DMD: variants seen among roughly 807,000 people sequenced by gnomAD.
The protein encoded by DMD is dystrophin.
Under a neutral mutation model 330.1 loss-of-function variants are expected in DMD, and 63 were observed. The ratio of observed to expected loss-of-function variants is 0.19; its 90% CI spans 0.16 to 0.24. DMD has a LOEUF of 0.24. DMD is among the 10% of genes least tolerant of loss of function. The probability of loss-of-function intolerance (pLI) is 1.00; values close to 1 mark genes in which losing one functional copy is unlikely to be tolerated. For synonymous variants in DMD, 1,223 were observed against 959.8 expected, an observed-to-expected ratio of 1.27 and a Z score of -5.07; for missense variants, 3,344 against 2,684.1, an observed-to-expected ratio of 1.25 and a Z score of -5.43.
chrX:33,123,730 T>G (rs768597975), intron 1 of DMD, among the ~76,000 whole-genome samples: 1 of 110,172 alleles, frequency 9.1e-6, no homozygotes, highest in Admixed American at 9.7e-5. Context: ...AATGAGTTTT[T>G]TTTTTTTTTT....
intron 7 of DMD, among the ~76,000 whole-genome samples, chrX:32,735,311 A>T (rs2068301298): frequency 9.0e-6 from 1 of 110,792 alleles, no homozygotes; most frequent in South Asian, 3.9e-4. Flanking sequence ...GGGTAGGAAG[A>T]ATCAATATCG....
chrX:32,836,038 A>ATT (rs201112620), intron 4 of DMD, among the ~76,000 whole-genome samples: 7 of 103,955 alleles, frequency 6.7e-5, no homozygotes, highest in African/African-American at 2.5e-4. Context: ...TCAAAAAAAA[A>ATT]TTTTTTTTTT....
At chrX:33,328,171 G>A (rs1049479092) in intron 1 of DMD, among the ~76,000 whole-genome samples, 3 of 111,363 alleles carry the variant, frequency 2.7e-5, no homozygotes, top group East Asian at 2.8e-4. Flanking sequence ...ATCTGATGCC[G>A]AAAAGAACAT....
intron 44 of DMD, among the ~76,000 whole-genome samples, chrX:32,094,977 C>T (rs1033658420): frequency 2.7e-5 from 3 of 111,196 alleles, no homozygotes; most frequent in African/African-American, 9.8e-5. Context: ...TAATTTGTAC[C>T]TTGCATGAGG....
At chrX:33,303,636 T>C (rs1437591317) in intron 1 of DMD, among the ~76,000 whole-genome samples, 1 of 111,409 alleles carries the variant, frequency 9.0e-6, no homozygotes, top group Non-Finnish European at 1.9e-5. Context: ...TTCCCCATGC[T>C]ATTCTTGTGA....
chrX:32,863,061 C>T (rs923591751), intron 2 of DMD, among the ~76,000 whole-genome samples: 6 of 110,489 alleles, frequency 5.4e-5, no homozygotes, highest in African/African-American at 2.0e-4. Context: ...TCTTTTGATT[C>T]ACATAGATAC....
intron 63 of DMD, among the ~76,000 whole-genome samples, chrX:31,252,197 CTTTTA>C (rs1348517141): frequency 1.8e-5 from 2 of 111,779 alleles, no homozygotes; most frequent in Non-Finnish European, 3.8e-5. Context: ...TTTCTTTTTT[CTTTTA>C]TAAGCTGAAT....
intron 47 of DMD, among the ~76,000 whole-genome samples, chrX:31,927,065 G>A (rs1019166755): frequency 4.4e-4 from 49 of 111,802 alleles, no homozygotes; most frequent in African/African-American, 1.5e-3. Flanking sequence ...CCTAAATCTG[G>A]TACTGATCAT....
chrX:32,320,073 T>C (rs763506311), intron 41 of DMD, among the ~76,000 whole-genome samples: 1 of 111,083 alleles, frequency 9.0e-6, no homozygotes, highest in Non-Finnish European at 1.9e-5. Context: ...AAAATAAGTA[T>C]GGAAAGACCT....
At chrX:31,878,749 T>G (rs2094007140) in intron 47 of DMD, among the ~76,000 whole-genome samples, 1 of 112,050 alleles carries the variant, frequency 8.9e-6, no homozygotes, top group African/African-American at 3.2e-5. Flanking sequence ...ACAAAGGATT[T>G]TAAAAGCATG....
rs766587320 is a variant in DMD, at chrX:31,706,215, A to G, written c.7660+23416T>C. Among the ~76,000 whole-genome samples, 23 of 110,728 alleles carry G rather than the reference A, an allele frequency of 2.1e-4. No homozygotes were observed. The South Asian group carries it at 8.5e-3, about 41-fold the overall frequency. On this transcript the variant is annotated intron_variant, in intron 52 of 78. Transcript: ENST00000357033. Reference sequence around the variant, plus strand: ...ATATGAGCTACCTCATTGTGGAAGCAAAGACTCAGAAGAAGTAGAGAACAA... The same window carrying G: ...ATATGAGCTACCTCATTGTGGAAGCGAAGACTCAGAAGAAGTAGAGAACAA...
At chrX:31,212,085 CCAG>C (rs2044733265) in intron 64 of DMD, among the ~76,000 whole-genome samples, 1 of 107,714 alleles carries the variant, frequency 9.3e-6, no homozygotes, top group Non-Finnish European at 1.9e-5. Flanking sequence ...CAATAAGCAA[CCAG>C]CAGATACAGT....
intron 1 of DMD, among the ~76,000 whole-genome samples, chrX:33,309,840 A>G (rs993600335): frequency 9.0e-6 from 1 of 111,116 alleles, no homozygotes; most frequent in African/African-American, 3.3e-5. Context: ...AAAGTAATGT[A>G]GAAGTACTAT....
chrX:31,775,458 T>C (rs1038809430), intron 50 of DMD, among the ~76,000 whole-genome samples: 4 of 110,947 alleles, frequency 3.6e-5, no homozygotes, highest in African/African-American at 1.3e-4. Context: ...CTGGTGTGAA[T>C]TGATACTAAA....
At chrX:32,468,074 G>C (rs1184309351) in intron 23 of DMD, among the ~76,000 whole-genome samples, 1 of 109,224 alleles carries the variant, frequency 9.2e-6, no homozygotes, top group Non-Finnish European at 1.9e-5. Flanking sequence ...AGGTAATATA[G>C]GAAATAATCA....
intron 2 of DMD, among the ~76,000 whole-genome samples, chrX:32,855,417 A>G (rs1200721137): frequency 8.9e-6 from 1 of 112,111 alleles, no homozygotes; most frequent in East Asian, 2.8e-4. Flanking sequence ...TTCAAATTAT[A>G]CTACAGAGCT....
intron 66 of DMD, among the ~76,000 whole-genome samples, 188 bp downstream of exon 66, chrX:31,206,394 T>G (rs771930238): frequency 1.2e-4 from 13 of 112,498 alleles, no homozygotes; most frequent in Non-Finnish European, 2.1e-4. Flanking sequence ...CATTCTCTAC[T>G]TAAATGCCTG....
At chrX:32,284,714 G>A (rs1477420423) in intron 43 of DMD, among the ~76,000 whole-genome samples, 1 of 112,093 alleles carries the variant, frequency 8.9e-6, no homozygotes, top group Non-Finnish European at 1.9e-5. Context: ...TAGCAGAAAG[G>A]CCAGAATTCC....
At chrX:33,148,822 A>G (rs1227712145) in intron 1 of DMD, among the ~76,000 whole-genome samples, 1 of 111,846 alleles carries the variant, frequency 8.9e-6, no homozygotes, top group African/African-American at 3.3e-5. Context: ...TTAACTAGAA[A>G]TCTCTCTATG....
Sources: gnomAD v4.1 joint callset for allele counts (sites outside exome capture counted in the v4.1 genomes callset) on GRCh38, gnomAD v4.1.1 for gene constraint, MANE v1.5 for transcripts, NCBI Gene and HGNC (gene_info 2026-07-23, HGNC 2026-07-21) for gene names.